Variants in TEX2 observed in about 807,000 individuals in gnomAD.
TEX2 encodes the protein testis-expressed protein 2.
Under a neutral mutation model 106.9 loss-of-function variants are expected in TEX2, and 53 were observed. That is an observed-to-expected ratio of 0.50 (90% CI 0.40 to 0.62). The LOEUF (loss-of-function observed/expected upper bound fraction) is 0.62. Ranked by LOEUF, TEX2 falls within the 20% of genes least tolerant of loss-of-function variation. TEX2 has a pLI of 0.00. For synonymous variants in TEX2, 523 were observed against 534.8 expected (o/e 0.98, Z 0.30); for missense variants, 1,207 against 1,379.0 (o/e 0.88, Z 1.98).
rs1555631930 is a variant in TEX2, at chr17:64,213,223, G to C, written c.995C>G (p.Ser332Cys). Residue 332 changes from serine (S) to cysteine (C), a missense_variant, in exon 2 of 12, where the codon TCC (serine) becomes TGC (cysteine). Physicochemically the swap from Ser to Cys is moderately radical, Grantham distance 112. Coordinates refer to ENST00000584379, the MANE Select transcript of TEX2 (RefSeq NM_001288732.2). The surrounding 1 kb of genome is among the most constrained non-coding windows in gnomAD (Gnocchi z 4.4). ...GCTTTCCAAGTGCCCATTCAAGCTG[G>C]ACAGATTGGAGAGTTCTGAAGCACT... ...SSSASELSNL[S>C]SLNGHLESNN... 1.9e-6 allele frequency: 3 copies of C among 1,614,074 alleles called. No individual in the cohort carries two copies. Among genetic ancestry groups the C allele is most frequent in the African/African-American group, 2.7e-5 (2 of 74,910 alleles).
chr17:64,187,542 A>C (rs79982024), intron 5 of TEX2, among the ~76,000 whole-genome samples: 1 of 152,024 alleles, frequency 6.6e-6, no homozygotes, highest in Admixed American at 6.6e-5. Flanking sequence ...CTCTACAGCC[A>C]GTTCTCCACC....
chr17:64,256,841 A>T (rs1209660945), intron 1 of TEX2, among the ~76,000 whole-genome samples: 8 of 152,174 alleles, frequency 5.3e-5, no homozygotes, highest in Non-Finnish European at 1.2e-4. Flanking sequence ...CTCTATTTTG[A>T]GCCTAAAATA....
chr17:64,193,532 A>C, intron 4 of TEX2, 27 bp downstream of exon 4: 4 of 1,401,726 alleles, frequency 2.9e-6, no homozygotes, highest in Non-Finnish European at 3.7e-6. Context: ...TTAAAAATGC[A>C]TAAGCATTTA....
At chr17:64,262,847 A>C (rs1392229046) in intron 1 of TEX2, among the ~76,000 whole-genome samples, 2 of 152,150 alleles carry the variant, frequency 1.3e-5, no homozygotes, top group African/African-American at 4.8e-5. Flanking sequence ...GTTTTCCTCT[A>C]GTTTGCGCGT....
intron 1 of TEX2, among the ~76,000 whole-genome samples, chr17:64,237,478 T>C (rs1204095961): frequency 6.6e-6 from 1 of 151,910 alleles, no homozygotes; most frequent in Non-Finnish European, 1.5e-5. Context: ...GGCTGTAGTG[T>C]GGAAAATAAA....
intron 1 of TEX2, among the ~76,000 whole-genome samples, chr17:64,251,866 G>C (rs977604845): frequency 6.6e-6 from 1 of 152,182 alleles, no homozygotes; most frequent in Non-Finnish European, 1.5e-5. Flanking sequence ...GGTCTACTCA[G>C]AAACACTTGG....
At chr17:64,219,842 C>T (rs2033306943) in intron 1 of TEX2, among the ~76,000 whole-genome samples, 1 of 152,224 alleles carries the variant, frequency 6.6e-6, no homozygotes, top group Non-Finnish European at 1.5e-5. Flanking sequence ...TGCTCCTCCC[C>T]TACCCCACTC....
At chr17:64,160,711 G>A (rs1388193135) in intron 8 of TEX2, 90 bp downstream of exon 8, 1 of 1,485,518 alleles carries the variant, frequency 6.7e-7, no homozygotes, top group East Asian at 2.3e-5. Flanking sequence ...ACATCCAGGG[G>A]CCACTACACA....
intron 5 of TEX2, 149 bp downstream of exon 5, chr17:64,188,019 G>T: frequency 1.2e-6 from 1 of 851,084 alleles, no homozygotes; most frequent in Non-Finnish European, 1.8e-6. Context: ...TTCCTGAGTA[G>T]ATTACAAGTT....
chr17:64,248,594 G>T (rs1282601939), intron 1 of TEX2, among the ~76,000 whole-genome samples: 2 of 152,214 alleles, frequency 1.3e-5, no homozygotes, highest in Non-Finnish European at 2.9e-5. Context: ...AGGCCTCAAA[G>T]AATTTGGCTT....
rs1555632066 is a variant in TEX2, at chr17:64,213,503, C to T, written c.715G>A (p.Asp239Asn). ...ESDTVSYKPPDSKLNLHLFKQ... is the reference protein window; with the variant it reads ...ESDTVSYKPPNSKLNLHLFKQ... ...AACAGGTGTAAGTTCAGTTTGGAAT[C>T]AGGTGGCTTATAGGACACTGTATCC... Residue 239 changes from aspartate to asparagine, a missense_variant, in exon 2 of 12, where the codon GAT becomes AAT. Around this residue, in one of 3 missense-constraint regions of TEX2, gnomAD observed 1,067 missense variants for 1,193.6 expected, o/e 0.89. Transcript: ENST00000584379. This position sits in a 1 kb window ranked among gnomAD's most constrained non-coding sequence, Gnocchi z 4.4. 1 of 1,614,144 alleles carries T rather than the reference C, an allele frequency of 6.2e-7. No homozygotes were observed.
chr17:64,217,586 C>T lies in TEX2; in HGVS notation c.-25-3344G>A, dbSNP rs1187278170. Among the ~76,000 whole-genome samples the T allele has an allele frequency of 6.6e-6, 1 of 152,160 alleles. No homozygotes were observed. The highest frequency in any genetic ancestry group is 2.4e-5 in the African/African-American group (1 of 41,424). On this transcript the variant is annotated intron_variant, in intron 1 of 11. Transcript: ENST00000584379. The surrounding 1 kb of genome is among the most constrained non-coding windows in gnomAD (Gnocchi z 4.3). ...TCTCAACCAGCAGCATGTGACTGGC[C>T]GCACTGAGAAATGAAAGGTCTCATT...
intron 1 of TEX2, among the ~76,000 whole-genome samples, chr17:64,257,274 C>T (rs548450337): frequency 7.9e-5 from 12 of 152,330 alleles, no homozygotes; most frequent in Admixed American, 2.6e-4. Flanking sequence ...TTAGATTCTT[C>T]TCTCAATAGT....
chr17:64,166,818 A>G (rs1266459401), intron 7 of TEX2, among the ~76,000 whole-genome samples: 1 of 152,206 alleles, frequency 6.6e-6, no homozygotes, highest in East Asian at 1.9e-4. Context: ...AATGACTGGA[A>G]AGAGTTTGGC....
intron 6 of TEX2, among the ~76,000 whole-genome samples, chr17:64,173,033 G>A (rs935285639): frequency 1.3e-5 from 2 of 152,028 alleles, no homozygotes; most frequent in Non-Finnish European, 2.9e-5. Context: ...GGGATCTAGT[G>A]TAATTTTTCC....
At position 64,214,054 on chromosome 17, in the gene TEX2, TAC is replaced by T. The variant is rs1270863619; in HGVS notation, c.162_163del (p.Tyr55LeufsTer2). 1 of 1,614,172 alleles carries T rather than the reference TAC, an allele frequency of 6.2e-7. No homozygotes were observed. The highest frequency in any genetic ancestry group is 8.5e-7 in the Non-Finnish European group (1 of 1,180,024). ...TTGGTCATCCAGCCCCTCCTCAAAG[TAC>T]TCCCTGAACTCCTCCTCCTCTTCCT... On this transcript the variant is annotated frameshift_variant, in exon 2 of 12. Transcript: ENST00000584379. LOFTEE classifies it high-confidence loss of function.
intron 5 of TEX2, among the ~76,000 whole-genome samples, chr17:64,181,014 T>G (rs1275366402): frequency 6.6e-6 from 1 of 152,218 alleles, no homozygotes; most frequent in Non-Finnish European, 1.5e-5. Flanking sequence ...CCTACTCCTG[T>G]GTGTTTCTTT....
At chr17:64,151,847 T>C (rs1432642665) in intron 10 of TEX2, among the ~76,000 whole-genome samples, 1 of 152,224 alleles carries the variant, frequency 6.6e-6, no homozygotes, top group Non-Finnish European at 1.5e-5. Context: ...TTTTAAGGTT[T>C]GAAAGACCAT....
intron 2 of TEX2, among the ~76,000 whole-genome samples, chr17:64,202,997 G>A (rs1278522054): frequency 6.6e-6 from 1 of 152,162 alleles, no homozygotes; most frequent in African/African-American, 2.4e-5. Context: ...ATGGCTGAAA[G>A]TACAAAACCA....
Sources: gnomAD v4.1 joint callset for allele counts (sites outside exome capture counted in the v4.1 genomes callset) on GRCh38, gnomAD v4.1.1 for gene constraint, gnomAD v4.1.1 regional missense constraint, Gnocchi (gnomAD v3.1) non-coding constraint, MANE v1.5 for transcripts, NCBI Gene and HGNC (gene_info 2026-07-23, HGNC 2026-07-21) for gene names.